Variants in AHCYL2 observed in about 807,000 individuals in gnomAD.
AHCYL2 encodes the protein S-adenosylhomocysteine hydrolase-like protein 2.
In AHCYL2, 28 loss-of-function variants were observed where a neutral mutation model predicts 81.4. The ratio of observed to expected loss-of-function variants is 0.34; its 90% CI spans 0.25 to 0.47. The LOEUF is 0.47. AHCYL2 is among the 20% of genes least tolerant of loss of function. The probability of loss-of-function intolerance (pLI) is 1.00; values close to 1 mark genes in which losing one functional copy is unlikely to be tolerated. For synonymous variants in AHCYL2, 272 were observed against 290.2 expected (o/e 0.94, Z 0.64); for missense variants, 551 against 785.1 (o/e 0.70, Z 3.56).
At chr7:129,243,909 T>C (rs1021621689) in intron 1 of AHCYL2, among the ~76,000 whole-genome samples, 4 of 152,030 alleles carry the variant, frequency 2.6e-5, no homozygotes, top group African/African-American at 9.7e-5. Context: ...GTCATGTCTT[T>C]AATCCAACTG....
chr7:129,266,132 CTTTT>C (rs1269727744), intron 1 of AHCYL2, among the ~76,000 whole-genome samples: 1 of 152,166 alleles, frequency 6.6e-6, no homozygotes, highest in Non-Finnish European at 1.5e-5. Context: ...GTCTCCTTTT[CTTTT>C]TTCTCAGTGC....
At chr7:129,320,079 G>T (rs1797961531) in intron 1 of AHCYL2, among the ~76,000 whole-genome samples, 1 of 152,118 alleles carries the variant, frequency 6.6e-6, no homozygotes, top group Non-Finnish European at 1.5e-5. Flanking sequence ...GTTCTAATGG[G>T]TGTGTAGTGG....
intron 1 of AHCYL2, among the ~76,000 whole-genome samples, chr7:129,329,800 T>C (rs1361355579): frequency 6.6e-6 from 1 of 152,184 alleles, no homozygotes; most frequent in Non-Finnish European, 1.5e-5. Context: ...TCCACTTTTA[T>C]TGTTGTTCTG....
intron 4 of AHCYL2, among the ~76,000 whole-genome samples, chr7:129,394,742 A>T (rs1395335326): frequency 6.6e-6 from 1 of 152,124 alleles, no homozygotes; most frequent in Non-Finnish European, 1.5e-5. Context: ...CACTGCACCC[A>T]GCCTGTATTT....
intron 1 of AHCYL2, among the ~76,000 whole-genome samples, chr7:129,241,285 A>C (rs536217751): frequency 3.9e-5 from 6 of 152,302 alleles, no homozygotes; most frequent in African/African-American, 1.4e-4. Context: ...TATTCCTTTG[A>C]CTAAACCTGT....
chr7:129,243,907 T>C (rs1455800944), intron 1 of AHCYL2, among the ~76,000 whole-genome samples: 3 of 152,040 alleles, frequency 2.0e-5, no homozygotes, highest in African/African-American at 7.2e-5. Flanking sequence ...CAGTCATGTC[T>C]TTAATCCAAC....
intron 1 of AHCYL2, among the ~76,000 whole-genome samples, chr7:129,255,552 A>G (rs1292824805): frequency 6.6e-6 from 1 of 152,236 alleles, no homozygotes; most frequent in South Asian, 2.1e-4. Context: ...TAGACACGTC[A>G]TCTATTTACA....
chr7:129,424,409 T>G (rs1314366876), intron 13 of AHCYL2, among the ~76,000 whole-genome samples: 2 of 150,842 alleles, frequency 1.3e-5, no homozygotes. Flanking sequence ...AATCAATCAA[T>G]CAATCAATCA....
intron 1 of AHCYL2, among the ~76,000 whole-genome samples, chr7:129,352,137 T>C (rs1175173328): frequency 6.6e-6 from 1 of 152,174 alleles, no homozygotes; most frequent in Non-Finnish European, 1.5e-5. Context: ...TCCTGATTGT[T>C]TGAGTTGCAA....
intron 1 of AHCYL2, among the ~76,000 whole-genome samples, chr7:129,270,969 A>G (rs1413036813): frequency 2.0e-5 from 3 of 152,190 alleles, no homozygotes; most frequent in Admixed American, 6.5e-5. Context: ...TGAATCTGCA[A>G]CAGTCCTACG....
chr7:129,405,940 T>C (rs1272397656), intron 9 of AHCYL2, 41 bp downstream of exon 9: 1 of 1,588,268 alleles, frequency 6.3e-7, no homozygotes, highest in Non-Finnish European at 8.6e-7. Flanking sequence ...TTTAAATGGA[T>C]TTTGTTGAAA....
At chr7:129,258,258 A>G (rs201174082) in intron 1 of AHCYL2, among the ~76,000 whole-genome samples, 1 of 80,876 alleles carries the variant, frequency 1.2e-5, no homozygotes, top group Non-Finnish European at 2.7e-5. Context: ...CTTTAAAAGG[A>G]AAAAAAAAAA....
chr7:129,246,207 T>A (rs1432533038), intron 1 of AHCYL2, among the ~76,000 whole-genome samples: 1 of 152,028 alleles, frequency 6.6e-6, no homozygotes, highest in African/African-American at 2.4e-5. Context: ...TACAGGCATG[T>A]GCCACCACGC....
At chr7:129,367,798 C>A (rs1053888576) in intron 1 of AHCYL2, among the ~76,000 whole-genome samples, 1 of 152,186 alleles carries the variant, frequency 6.6e-6, no homozygotes, top group Non-Finnish European at 1.5e-5. Flanking sequence ...TTTCTTAGAG[C>A]TGCTAAGAAA....
intron 1 of AHCYL2, among the ~76,000 whole-genome samples, chr7:129,281,155 A>G (rs377073177): frequency 8.6e-5 from 13 of 151,728 alleles, no homozygotes; most frequent in African/African-American, 2.7e-4. Flanking sequence ...GAGCCACCAC[A>G]CCCGGCCCAT....
chr7:129,305,314 G>C (rs1320583746), intron 1 of AHCYL2, among the ~76,000 whole-genome samples: 2 of 152,186 alleles, frequency 1.3e-5, no homozygotes, highest in East Asian at 3.9e-4. Context: ...ACAAAAATTA[G>C]CTGAGCATGG....
intron 15 of AHCYL2, 74 bp downstream of exon 15, chr7:129,425,215 A>C: frequency 7.3e-7 from 1 of 1,364,716 alleles, no homozygotes; most frequent in East Asian, 2.3e-5. Context: ...GTTTGGGGGC[A>C]TTAACTTACT....
intron 1 of AHCYL2, chr7:129,375,523 G>T (rs1794637070): frequency 2.5e-6 from 2 of 797,690 alleles, no homozygotes; most frequent in South Asian, 9.2e-5. Context: ...ATAAGCTATT[G>T]TTATGCGCAT....
chr7:129,375,922 C>T (rs1233037867), intron 1 of AHCYL2: 2 of 1,535,956 alleles, frequency 1.3e-6, no homozygotes, highest in Non-Finnish European at 1.7e-6. Context: ...GGGATTAAGG[C>T]CCAGGTGAGG....
Sources: gnomAD v4.1 joint callset for allele counts (sites outside exome capture counted in the v4.1 genomes callset) on GRCh38, gnomAD v4.1.1 for gene constraint, MANE v1.5 for transcripts, NCBI Gene and HGNC (gene_info 2026-07-23, HGNC 2026-07-21) for gene names.